Variants in CD96 observed in about 807,000 individuals in gnomAD.
CD96 encodes the protein T-cell surface protein tactile.
A neutral mutation model predicts 71.3 loss-of-function variants in CD96; 70 were observed. The ratio of observed to expected loss-of-function variants is 0.98; its 90% confidence interval spans 0.81 to 1.20. The LOEUF (loss-of-function observed/expected upper bound fraction) is 1.20. Ranked by LOEUF, CD96 falls within the 50% of genes most tolerant of loss-of-function variation. CD96 has a pLI of 0.00. For synonymous variants in CD96, 248 were observed against 233.0 expected (o/e 1.06, Z -0.59); for missense variants, 742 against 677.5 (o/e 1.10, Z -1.06).
downstream of CD96, among the ~76,000 whole-genome samples, chr3:111,656,263 TG>T: frequency 6.6e-6 from 1 of 152,240 alleles, no homozygotes; most frequent in East Asian, 1.9e-4. Context: ...AAACATGAAA[TG>T]TATTCATAAT....
intron 3 of CD96, chr3:111,570,510 A>T: frequency 1.1e-6 from 1 of 904,924 alleles, no homozygotes; most frequent in Non-Finnish European, 1.7e-6. Flanking sequence ...CAAGGTAGAA[A>T]TCACAAATGG....
chr3:111,660,879 C>T (rs144957850), intron 14 of CD96, among the ~76,000 whole-genome samples: 66 of 152,250 alleles, frequency 4.3e-4, no homozygotes, highest in Middle Eastern at 3.4e-3. Flanking sequence ...CAAAATGGAT[C>T]AAATATTTAA....
At chr3:111,555,450 T>C (rs2107500085) in intron 2 of CD96, among the ~76,000 whole-genome samples, 1 of 152,424 alleles carries the variant, frequency 6.6e-6, no homozygotes, top group African/African-American at 2.4e-5. Context: ...TCATTTTTAA[T>C]TTTAAAGGAT....
At chr3:111,555,184 T>C (rs1934928358) in intron 2 of CD96, among the ~76,000 whole-genome samples, 1 of 142,314 alleles carries the variant, frequency 7.0e-6, no homozygotes, top group South Asian at 2.2e-4. Flanking sequence ...GAACCCCTGA[T>C]TTAAAGAATT....
chr3:111,643,966 T>C (rs1476451402), intron 12 of CD96, among the ~76,000 whole-genome samples: 1 of 152,050 alleles, frequency 6.6e-6, no homozygotes, highest in African/African-American at 2.4e-5. Context: ...CATCATTCTT[T>C]GCAGAATTAG....
At chr3:111,652,913 T>C (rs1166136491), downstream of CD96, among the ~76,000 whole-genome samples, 1 of 151,902 alleles carries the variant, frequency 6.6e-6, no homozygotes, top group Non-Finnish European at 1.5e-5. Context: ...GAAATAGCAA[T>C]ACTAGATCCT....
At chr3:111,636,918 GCTAGAGGAACCCCTT>G (rs1313510217) in intron 10 of CD96, among the ~76,000 whole-genome samples, 2 of 151,912 alleles carry the variant, frequency 1.3e-5, no homozygotes, top group African/African-American at 2.4e-5. Flanking sequence ...ACACACTCTG[GCTAGAGGAACCCCTT>G]CTAGTGTTTT....
chr3:111,631,466 T>TGC (rs1939058146), intron 10 of CD96, among the ~76,000 whole-genome samples: 1 of 152,052 alleles, frequency 6.6e-6, no homozygotes, highest in Admixed American at 6.6e-5. Flanking sequence ...CTTCAAGAAC[T>TGC]ACAAGCCACT....
chr3:111,633,951 A>G (rs376683131), intron 10 of CD96: 7 of 152,756 alleles, frequency 4.6e-5, no homozygotes, highest in East Asian at 3.8e-4. Flanking sequence ...TTGCTCATCA[A>G]AAGTCTGCTG....
intron 12 of CD96, among the ~76,000 whole-genome samples, chr3:111,644,666 G>T (rs1410312996): frequency 6.6e-6 from 1 of 151,594 alleles, no homozygotes; most frequent in South Asian, 2.1e-4. Context: ...AAACAAATTA[G>T]TAAGAAAAAA....
chr3:111,598,210 G>T lies in CD96; in HGVS notation c.898G>T (p.Gly300Ter). 1 of 1,274,550 alleles carries T rather than the reference G, an allele frequency of 7.8e-7. No individual in the cohort carries two copies. The highest frequency in any genetic ancestry group is 1.1e-6 in the Non-Finnish European group (1 of 871,338). The allele number at this position is 1,274,550 out of a possible 1,614,324, so 79.0% of individuals were successfully genotyped here. A position where few individuals can be genotyped will look rare whatever the true frequency, so the allele number is the denominator to read the frequency against. Residue 300 changes from glycine (G) to a stop codon, truncating the protein, a stop_gained and splice_region_variant, in exon 6 of 14, where the codon GGA becomes TGA. Coordinates refer to ENST00000352690, the MANE Select transcript of CD96 (RefSeq NM_005816.5). LOFTEE classifies it high-confidence loss of function. Reference sequence around the variant, plus strand: ...AAGTTTTCTTCATGATGAAAAAGAAGGTAAGGAAACTAATCAATGGAAATA... The same window carrying T: ...AAGTTTTCTTCATGATGAAAAAGAATGTAAGGAAACTAATCAATGGAAATA... ...DGSFLHDEKE[G>*]IYITNEERKG...
chr3:111,583,940 T>C (rs1235342283), intron 4 of CD96, among the ~76,000 whole-genome samples: 1 of 152,232 alleles, frequency 6.6e-6, no homozygotes. Context: ...CTTATGCAAA[T>C]TTCGGCAGCC....
intron 9 of CD96, 101 bp from the exon 10 acceptor site, chr3:111,624,232 T>C: frequency 1.2e-6 from 1 of 827,440 alleles, no homozygotes; most frequent in Admixed American, 1.8e-5. Context: ...CAATTTCAGA[T>C]TTCCCCAAAG....
chr3:111,553,413 A>G (rs1603687), intron 2 of CD96, among the ~76,000 whole-genome samples: 2 of 148,692 alleles, frequency 1.3e-5, no homozygotes, highest in Admixed American at 1.3e-4. Context: ...GAGACTTGAT[A>G]ACATTTAGGT....
intron 10 of CD96, among the ~76,000 whole-genome samples, chr3:111,627,550 G>C (rs1938834949): frequency 6.6e-6 from 1 of 152,226 alleles, no homozygotes; most frequent in Non-Finnish European, 1.5e-5. Flanking sequence ...GACATTTGCT[G>C]TTTGGGCATC....
At chr3:111,607,700 C>T (rs910069305) in intron 8 of CD96, among the ~76,000 whole-genome samples, 1 of 152,142 alleles carries the variant, frequency 6.6e-6, no homozygotes, top group Non-Finnish European at 1.5e-5. Flanking sequence ...TGGCATGTAG[C>T]CTGCAGTCGC....
At chr3:111,615,874 TC>T (rs1938205755) in intron 8 of CD96, among the ~76,000 whole-genome samples, 1 of 152,188 alleles carries the variant, frequency 6.6e-6, no homozygotes, top group Non-Finnish European at 1.5e-5. Context: ...CAAGCTAGCC[TC>T]CTAGCTGTTT....
At chr3:111,626,165 G>C (rs936709512) in intron 10 of CD96, among the ~76,000 whole-genome samples, 5 of 152,090 alleles carry the variant, frequency 3.3e-5, no homozygotes, top group African/African-American at 1.2e-4. Context: ...GCCAGGCGTG[G>C]TGGTGGGCAC....
At chr3:111,553,373 T>C (rs766573723) in intron 2 of CD96, among the ~76,000 whole-genome samples, 2 of 151,792 alleles carry the variant, frequency 1.3e-5, no homozygotes, top group Non-Finnish European at 2.9e-5. Context: ...GTTAGACTTA[T>C]AAACTCTAAG....
Sources: allele counts gnomAD v4.1 joint callset (sites outside exome capture counted in the v4.1 genomes callset), GRCh38; gene constraint gnomAD v4.1.1; transcripts MANE v1.5; gene names NCBI Gene and HGNC (gene_info 2026-07-23, HGNC 2026-07-21).